Variants in ETV6 observed in about 807,000 individuals in gnomAD.
ETV6 encodes the protein transcription factor ETV6.
ETV6 carries 16 observed loss-of-function variants against 51.1 expected under a neutral mutation model. The observed-to-expected ratio is 0.31, with a 90% CI of 0.21 to 0.48. The LOEUF is 0.48. Among genes scored for constraint, ETV6 ranks in the 20% least tolerant of loss-of-function variants. The pLI is 0.99. For missense variants in ETV6, 458 were observed against 594.8 expected (o/e 0.77, Z 2.39); for synonymous variants, 240 against 224.1 (o/e 1.07, Z -0.64).
chr12:11,668,396 TTTTG>T (rs1349820139), intron 1 of ETV6, among the ~76,000 whole-genome samples: 36 of 132,746 alleles, frequency 2.7e-4, no homozygotes, highest in South Asian at 8.4e-4. Context: ...CTTCGCACTG[TTTTG>T]TTTTTTTTTT....
At chr12:11,791,220 C>T (rs994675428) in intron 2 of ETV6, among the ~76,000 whole-genome samples, 5 of 152,066 alleles carry the variant, frequency 3.3e-5, no homozygotes, top group Non-Finnish European at 5.9e-5. Flanking sequence ...TCTTTTTCTC[C>T]CCTCCCTCCA....
chr12:11,726,449 T>G (rs1865491458), intron 1 of ETV6, among the ~76,000 whole-genome samples: 1 of 152,166 alleles, frequency 6.6e-6, no homozygotes, highest in South Asian at 2.1e-4. Context: ...TCCTTCATAA[T>G]CTAGGTGGGG....
chr12:11,823,484 T>TGG (rs1946111576), intron 2 of ETV6, among the ~76,000 whole-genome samples: 13 of 144,132 alleles, frequency 9.0e-5, no homozygotes, highest in African/African-American at 3.3e-4. Context: ...TTTTTTTTTT[T>TGG]GAGTTGGAGT....
At chr12:11,863,008 C>T (rs1266177319) in intron 4 of ETV6, among the ~76,000 whole-genome samples, 2 of 152,166 alleles carry the variant, frequency 1.3e-5, no homozygotes, top group African/African-American at 2.4e-5. Flanking sequence ...CCTCCTGGGC[C>T]TGTTGATTTG....
In ETV6 at chr12:11,712,177, G is replaced by T. The variant is rs559860369; in HGVS notation, c.34-40273G>T. On this transcript the variant is annotated intron_variant, in intron 1 of 7. Transcript: ENST00000396373. ...AGCAATCTCAGAGATCAAAAAGACAGTCATCTCATCCAGTGTAGACAAAGT... is the reference window on the plus strand; with the variant it reads ...AGCAATCTCAGAGATCAAAAAGACATTCATCTCATCCAGTGTAGACAAAGT... Among the ~76,000 whole-genome samples the T allele has an allele frequency of 1.8e-4, 27 of 152,286 alleles. 1 individual carries two copies. In the East Asian group the frequency reaches 1.9e-3, roughly 11 times the overall value.
At chr12:11,764,699 G>A (rs1169879046) in intron 2 of ETV6, among the ~76,000 whole-genome samples, 1 of 152,230 alleles carries the variant, frequency 6.6e-6, no homozygotes, top group Non-Finnish European at 1.5e-5. Flanking sequence ...AGCTACCAGA[G>A]CTGGGTGGCC....
intron 1 of ETV6, among the ~76,000 whole-genome samples, chr12:11,686,091 C>T (rs1267108901): frequency 1.3e-5 from 2 of 152,216 alleles, no homozygotes; most frequent in African/African-American, 2.4e-5. Context: ...AAAATTCTAT[C>T]ACTCTTACTC....
At chr12:11,708,374 G>T (rs1865111389) in intron 1 of ETV6, among the ~76,000 whole-genome samples, 1 of 152,216 alleles carries the variant, frequency 6.6e-6, no homozygotes, top group African/African-American at 2.4e-5. Flanking sequence ...AACAGACTGG[G>T]TGGGAAGCTG....
At chr12:11,669,297 G>A (rs939192446) in intron 1 of ETV6, among the ~76,000 whole-genome samples, 3 of 151,810 alleles carry the variant, frequency 2.0e-5, no homozygotes, top group African/African-American at 7.3e-5. Context: ...GGAGGGGGAA[G>A]GAACATGGAT....
intron 1 of ETV6, among the ~76,000 whole-genome samples, chr12:11,675,513 T>C (rs1288462185): frequency 6.6e-6 from 1 of 152,204 alleles, no homozygotes; most frequent in African/African-American, 2.4e-5. Flanking sequence ...AGGTTTTTTT[T>C]CCTCTAAAAG....
intron 2 of ETV6, among the ~76,000 whole-genome samples, chr12:11,816,593 C>A (rs1396206287): frequency 6.6e-6 from 1 of 152,188 alleles, no homozygotes; most frequent in Non-Finnish European, 1.5e-5. Flanking sequence ...GTTCTCAGCT[C>A]TCTGATCCTT....
chr12:11,778,029 A>G (rs1198993225), intron 2 of ETV6, among the ~76,000 whole-genome samples: 1 of 152,168 alleles, frequency 6.6e-6, no homozygotes, highest in Non-Finnish European at 1.5e-5. Context: ...GCATTTATGA[A>G]TGGGTGGATC....
chr12:11,883,835 T>C (rs1221534583), intron 5 of ETV6, among the ~76,000 whole-genome samples: 1 of 152,184 alleles, frequency 6.6e-6, no homozygotes, highest in African/African-American at 2.4e-5. Flanking sequence ...TCTGTATCTC[T>C]TTTTGAAACC....
At chr12:11,852,106 G>A (rs1355359012) in intron 3 of ETV6, among the ~76,000 whole-genome samples, 6 of 152,192 alleles carry the variant, frequency 3.9e-5, no homozygotes, top group African/African-American at 1.4e-4. Flanking sequence ...CTGTGATATT[G>A]TAAAGATTTA....
At chr12:11,699,321 A>T (rs1864935267) in intron 1 of ETV6, among the ~76,000 whole-genome samples, 2 of 152,216 alleles carry the variant, frequency 1.3e-5, no homozygotes, top group Admixed American at 1.3e-4. Context: ...AAATTGGTAG[A>T]ATACAGCTTG....
At chr12:11,846,329 A>G (rs1946462937) in intron 3 of ETV6, among the ~76,000 whole-genome samples, 2 of 152,244 alleles carry the variant, frequency 1.3e-5, no homozygotes, top group Admixed American at 6.5e-5. Flanking sequence ...TACTTAGATA[A>G]TCTACGTGTA....
intron 2 of ETV6, among the ~76,000 whole-genome samples, chr12:11,788,708 T>C (rs866251103): frequency 1.3e-5 from 2 of 151,852 alleles, no homozygotes. Flanking sequence ...TTTAACTGAT[T>C]CTTTTGTCAT....
intron 1 of ETV6, among the ~76,000 whole-genome samples, chr12:11,729,490 G>A (rs182348174): frequency 2.0e-5 from 3 of 152,306 alleles, no homozygotes; most frequent in Admixed American, 6.5e-5. Context: ...CCGAATCTGA[G>A]AGGGTTGCTC....
chr12:11,671,769 A>G (rs773154394), intron 1 of ETV6, among the ~76,000 whole-genome samples: 1 of 151,934 alleles, frequency 6.6e-6, no homozygotes, highest in Non-Finnish European at 1.5e-5. Context: ...AGATCTCCTG[A>G]CTCCCACCAG....
Sources: gnomAD v4.1 joint callset for allele counts (sites outside exome capture counted in the v4.1 genomes callset) on GRCh38, gnomAD v4.1.1 for gene constraint, MANE v1.5 for transcripts, NCBI Gene and HGNC (gene_info 2026-07-23, HGNC 2026-07-21) for gene names.